The following SHISA9 variants were observed in gnomAD, a reference collection of about 807,000 sequenced individuals.
The protein encoded by SHISA9 is protein shisa-9.
In SHISA9, 13 loss-of-function variants were observed where a neutral mutation model predicts 38.0. The observed-to-expected ratio is 0.34, with a 90% CI of 0.22 to 0.54. The LOEUF is 0.54. SHISA9 is among the 20% of genes least tolerant of loss of function. SHISA9 has a pLI of 0.91. For synonymous variants in SHISA9, 275 were observed against 242.0 expected (o/e 1.14, Z -1.27); for missense variants, 538 against 575.8 (o/e 0.93, Z 0.67).
At chr16:13,027,226 G>C (rs957464917) in intron 2 of SHISA9, among the ~76,000 whole-genome samples, 1 of 152,130 alleles carries the variant, frequency 6.6e-6, no homozygotes, top group Admixed American at 6.5e-5. Context: ...CTTATCTGGA[G>C]GATGGACTCC....
chr16:13,180,803 T>G (rs958769624), intron 2 of SHISA9, among the ~76,000 whole-genome samples: 4 of 151,924 alleles, frequency 2.6e-5, no homozygotes, highest in African/African-American at 9.7e-5. Context: ...CTACACAGAG[T>G]GCTAAGTAGG....
chr16:13,114,041 T>G (rs901667843), intron 2 of SHISA9, among the ~76,000 whole-genome samples: 17 of 152,182 alleles, frequency 1.1e-4, no homozygotes, highest in African/African-American at 3.4e-4. Context: ...GTTAAAATAT[T>G]CCTAGAAATA....
At chr16:13,173,591 T>C (rs1024503499) in intron 2 of SHISA9, among the ~76,000 whole-genome samples, 1 of 152,116 alleles carries the variant, frequency 6.6e-6, no homozygotes, top group Non-Finnish European at 1.5e-5. Flanking sequence ...TATTTAACAA[T>C]GCCTAGAGAC....
chr16:13,262,888 C>A, the SHISA9 span, among the ~76,000 whole-genome samples: 1 of 152,078 alleles, frequency 6.6e-6, no homozygotes, highest in African/African-American at 2.4e-5. Flanking sequence ...ACAGGGAGAG[C>A]ATTAACTATC....
intron 1 of SHISA9, among the ~76,000 whole-genome samples, chr16:12,903,199 G>T (rs1339145070): frequency 6.6e-6 from 1 of 152,284 alleles, no homozygotes; most frequent in East Asian, 1.9e-4. Flanking sequence ...CGGCCGCCTC[G>T]CTTTCCCAGA....
At chr16:13,271,362 C>G in the SHISA9 span, among the ~76,000 whole-genome samples, 1 of 152,160 alleles carries the variant, frequency 6.6e-6, no homozygotes, top group Non-Finnish European at 1.5e-5. Context: ...ATTAAATCAA[C>G]GTCATCATGT....
At chr16:13,265,189 C>T in the SHISA9 span, among the ~76,000 whole-genome samples, 1 of 118,828 alleles carries the variant, frequency 8.4e-6, no homozygotes, top group African/African-American at 3.2e-5. Flanking sequence ...CTTCCCACTC[C>T]CTCCCCTCCC....
chr16:13,512,250 C>T, the SHISA9 span, among the ~76,000 whole-genome samples: 24 of 152,200 alleles, frequency 1.6e-4, no homozygotes, highest in African/African-American at 5.8e-4. Context: ...GAATGCAAAT[C>T]CCTGGTAATT....
At chr16:13,263,147 A>G in the SHISA9 span, among the ~76,000 whole-genome samples, 2 of 152,074 alleles carry the variant, frequency 1.3e-5, no homozygotes, top group African/African-American at 4.8e-5. Flanking sequence ...ACTACACTAC[A>G]TTTCTCATGG....
chr16:13,267,703 G>T, the SHISA9 span, among the ~76,000 whole-genome samples: 6 of 152,294 alleles, frequency 3.9e-5, no homozygotes, highest in East Asian at 1.2e-3. Context: ...TAAGCAACTA[G>T]TAGTGGGTCA....
At chr16:13,434,424 T>TTTTGTTTGTTTGTTTTG in the SHISA9 span, among the ~76,000 whole-genome samples, 10 of 127,368 alleles carry the variant, frequency 7.9e-5, no homozygotes, top group African/African-American at 2.9e-4. Context: ...GCTATGTTTT[T>TTTTGTTTGTTTGTTTTG]TTTTTTTTTT....
At chr16:13,059,457 G>A (rs963962553) in intron 2 of SHISA9, among the ~76,000 whole-genome samples, 1 of 152,074 alleles carries the variant, frequency 6.6e-6, no homozygotes, top group Non-Finnish European at 1.5e-5. Flanking sequence ...GAGGTACAGA[G>A]TCTATCTGTA....
the SHISA9 span, among the ~76,000 whole-genome samples, chr16:13,358,812 G>C: frequency 6.6e-6 from 1 of 152,280 alleles, no homozygotes; most frequent in South Asian, 2.1e-4. Context: ...TTTCAGCAGA[G>C]CCATAAAAAG....
the SHISA9 span, among the ~76,000 whole-genome samples, chr16:13,535,588 A>C: frequency 6.6e-6 from 1 of 152,222 alleles, no homozygotes; most frequent in African/African-American, 2.4e-5. Context: ...TGGTTGTGAC[A>C]GAAACCATTT....
At chr16:13,148,792 A>C (rs928740088) in intron 2 of SHISA9, among the ~76,000 whole-genome samples, 21 of 151,814 alleles carry the variant, frequency 1.4e-4, no homozygotes, top group South Asian at 4.2e-4. Context: ...AAATTGCCTG[A>C]GGCCACACAC....
intron 2 of SHISA9, among the ~76,000 whole-genome samples, chr16:12,954,723 C>T (rs944307727): frequency 2.6e-5 from 4 of 152,030 alleles, no homozygotes; most frequent in African/African-American, 7.3e-5. Context: ...TTTTATTTTA[C>T]AGATTAGGAA....
At chr16:12,962,844 A>G (rs1340045114) in intron 2 of SHISA9, among the ~76,000 whole-genome samples, 2 of 152,204 alleles carry the variant, frequency 1.3e-5, no homozygotes, top group Non-Finnish European at 2.9e-5. Context: ...TCCTAGGTGT[A>G]TCTTGTTGGG....
the SHISA9 span, among the ~76,000 whole-genome samples, chr16:13,406,087 A>G: frequency 6.6e-6 from 1 of 152,146 alleles, no homozygotes; most frequent in African/African-American, 2.4e-5. Flanking sequence ...GTATTTGCAA[A>G]CTCTGCATCC....
At chr16:13,291,943 T>C in the SHISA9 span, among the ~76,000 whole-genome samples, 1 of 152,144 alleles carries the variant, frequency 6.6e-6, no homozygotes, top group East Asian at 1.9e-4. Context: ...TTTTACCTTT[T>C]GGTCACAGGG....
Sources: gnomAD v4.1 joint callset for allele counts (sites outside exome capture counted in the v4.1 genomes callset) on GRCh38, gnomAD v4.1.1 for gene constraint, MANE v1.5 for transcripts, NCBI Gene and HGNC (gene_info 2026-07-23, HGNC 2026-07-21) for gene names.